The following NEMP2 variants were observed in gnomAD, a reference collection of about 807,000 sequenced individuals.
The protein encoded by NEMP2 is nuclear envelope integral membrane protein 2, also known as UPF0571 transmembrane protein.
In NEMP2, 53 loss-of-function variants were observed where a neutral mutation model predicts 54.2. That is an observed-to-expected ratio of 0.98 (90% CI 0.78 to 1.23). The LOEUF (loss-of-function observed/expected upper bound fraction) is 1.23. Ranked by LOEUF, NEMP2 falls within the 50% of genes most tolerant of loss-of-function variation. NEMP2 has a pLI of 0.00. For synonymous variants in NEMP2, 197 were observed against 190.3 expected, an observed-to-expected ratio of 1.04 and a Z score of -0.29; for missense variants, 455 against 511.3, an observed-to-expected ratio of 0.89 and a Z score of 1.06.
the NEMP2 span, among the ~76,000 whole-genome samples, chr2:190,471,965 T>A: frequency 9.8e-5 from 15 of 152,318 alleles, no homozygotes; most frequent in South Asian, 1.7e-3. The surrounding 1 kb of genome is among the most constrained non-coding windows in gnomAD (Gnocchi z 4.7). Context: ...TCACTGCTGA[T>A]ACCCAGGCAA....
chr2:190,640,843 G>A, the NEMP2 span: 2 of 127,190 alleles, frequency 1.6e-5, no homozygotes, highest in African/African-American at 3.1e-5. Flanking sequence ...AGCTAGATGG[G>A]TGATATGGCA....
the NEMP2 span, among the ~76,000 whole-genome samples, chr2:190,491,823 CT>C: frequency 6.6e-6 from 1 of 152,094 alleles, no homozygotes; most frequent in African/African-American, 2.4e-5. The surrounding 1 kb of genome is among the most constrained non-coding windows in gnomAD (Gnocchi z 4.2). Context: ...TCTGACTTCC[CT>C]GAAAAAGAAT....
At chr2:190,559,617 G>A in the NEMP2 span, among the ~76,000 whole-genome samples, 1 of 152,358 alleles carries the variant, frequency 6.6e-6, no homozygotes, top group African/African-American at 2.4e-5. The surrounding 1 kb of genome is among the most constrained non-coding windows in gnomAD (Gnocchi z 4.0). Flanking sequence ...GGAGGGAACA[G>A]TCAGCAGTGT....
At chr2:190,557,275 G>T in the NEMP2 span, among the ~76,000 whole-genome samples, 4 of 152,190 alleles carry the variant, frequency 2.6e-5, no homozygotes, top group Non-Finnish European at 4.4e-5. Context: ...CTAGCCATAT[G>T]CAGAAAGCTG....
At chr2:190,545,947 G>C in the NEMP2 span, among the ~76,000 whole-genome samples, 2 of 152,136 alleles carry the variant, frequency 1.3e-5, no homozygotes, top group Admixed American at 1.3e-4. Context: ...GCTGGTCATA[G>C]GAGTGGAATG....
the NEMP2 span, among the ~76,000 whole-genome samples, chr2:190,421,930 C>G: frequency 6.6e-6 from 1 of 151,980 alleles, no homozygotes; most frequent in Admixed American, 6.5e-5. Context: ...ATAGAAGAAA[C>G]CAAGTTAACT....
At chr2:190,434,366 C>T in the NEMP2 span, among the ~76,000 whole-genome samples, 1 of 152,104 alleles carries the variant, frequency 6.6e-6, no homozygotes, top group South Asian at 2.1e-4. The surrounding 1 kb of genome is among the most constrained non-coding windows in gnomAD (Gnocchi z 4.3). Flanking sequence ...GGGATGCTGG[C>T]ACAGTTCCTA....
the NEMP2 span, among the ~76,000 whole-genome samples, chr2:190,548,723 T>G: frequency 6.6e-6 from 1 of 152,238 alleles, no homozygotes; most frequent in Non-Finnish European, 1.5e-5. Context: ...ATATCTATCA[T>G]GAAGTAAAAC....
At chr2:190,497,530 C>T in the NEMP2 span, 13 of 1,614,210 alleles carry the variant, frequency 8.1e-6, no homozygotes, top group South Asian at 2.2e-5. This position sits in a 1 kb window ranked among gnomAD's most constrained non-coding sequence, Gnocchi z 5.2. Flanking sequence ...CAGAAGATGT[C>T]ATGCCACGCA....
At chr2:190,570,371 A>G in the NEMP2 span, among the ~76,000 whole-genome samples, 1 of 152,244 alleles carries the variant, frequency 6.6e-6, no homozygotes, top group South Asian at 2.1e-4. This position sits in a 1 kb window ranked among gnomAD's most constrained non-coding sequence, Gnocchi z 5.4. Context: ...AGAGACCCCA[A>G]TATAATAGTT....
intron 1 of NEMP2, among the ~76,000 whole-genome samples, chr2:190,526,375 G>C (rs1005506782): frequency 2.6e-5 from 3 of 114,874 alleles, no homozygotes; most frequent in Non-Finnish European, 5.9e-5. Flanking sequence ...ACTAAGCGGG[G>C]AAGAGAAGGG....
the NEMP2 span, among the ~76,000 whole-genome samples, chr2:190,644,811 G>A: frequency 3.4e-4 from 52 of 152,174 alleles, no homozygotes; most frequent in African/African-American, 1.2e-3. This position sits in a 1 kb window ranked among gnomAD's most constrained non-coding sequence, Gnocchi z 4.4. Flanking sequence ...CTTAATACCT[G>A]GGTTATGAAT....
At chr2:190,636,770 A>C in the NEMP2 span, among the ~76,000 whole-genome samples, 1 of 152,256 alleles carries the variant, frequency 6.6e-6, no homozygotes, top group Non-Finnish European at 1.5e-5. Context: ...TTTAGTACTT[A>C]TAAGTCATTA....
At chr2:190,423,515 T>A in the NEMP2 span, among the ~76,000 whole-genome samples, 1 of 152,230 alleles carries the variant, frequency 6.6e-6, no homozygotes, top group Non-Finnish European at 1.5e-5. The surrounding 1 kb of genome is among the most constrained non-coding windows in gnomAD (Gnocchi z 4.3). Flanking sequence ...GTAGTACAAT[T>A]TGTTTAATTA....
chr2:190,638,699 A>G, the NEMP2 span, among the ~76,000 whole-genome samples: 1 of 152,200 alleles, frequency 6.6e-6, no homozygotes, highest in East Asian at 1.9e-4. This position sits in a 1 kb window ranked among gnomAD's most constrained non-coding sequence, Gnocchi z 5.7. Context: ...TACCTGGGGA[A>G]GGGGTGAGGG....
In NEMP2 at chr2:190,509,586, A is replaced by C. The variant is rs1690284565; in HGVS notation, c.1131-274T>G. Among the ~76,000 whole-genome samples, 1 of 152,236 alleles carries C rather than the reference A, an allele frequency of 6.6e-6. No homozygotes were observed. Among genetic ancestry groups the C allele is most frequent in the Non-Finnish European group, 1.5e-5 (1 of 68,010 alleles). ...TGTTTTCTAATTCCTTCTTGTCTCT[A>C]TTTTTTATTAGTTTGAATTTATTAT... On this transcript the variant is annotated intron_variant, in intron 8 of 8. Transcript: ENST00000409150. This position sits in a 1 kb window ranked among gnomAD's most constrained non-coding sequence, Gnocchi z 6.1.
intron 2 of NEMP2, among the ~76,000 whole-genome samples, chr2:190,524,472 A>G (rs1690860938): frequency 6.6e-6 from 1 of 152,146 alleles, no homozygotes; most frequent in South Asian, 2.1e-4. Context: ...AATGGTATCA[A>G]TTGACATCAA....
the NEMP2 span, chr2:190,626,636 A>C: frequency 1.3e-5 from 2 of 152,260 alleles, no homozygotes; most frequent in African/African-American, 4.8e-5. This position sits in a 1 kb window ranked among gnomAD's most constrained non-coding sequence, Gnocchi z 4.5. Flanking sequence ...CAGGTCAGAC[A>C]ACCCAGGGGC....
chr2:190,603,758 A>G, the NEMP2 span, among the ~76,000 whole-genome samples: 1 of 151,994 alleles, frequency 6.6e-6, no homozygotes, highest in Admixed American at 6.6e-5. Flanking sequence ...CTAGATGCAC[A>G]GTTGCCATTG....
Sources: gnomAD v4.1 joint callset for allele counts (sites outside exome capture counted in the v4.1 genomes callset) on GRCh38, gnomAD v4.1.1 for gene constraint, Gnocchi (gnomAD v3.1) non-coding constraint, MANE v1.5 for transcripts, NCBI Gene and HGNC (gene_info 2026-07-23, HGNC 2026-07-21) for gene names.